CDS2: variants seen among roughly 807,000 people sequenced by gnomAD.
CDS2 encodes phosphatidate cytidylyltransferase 2.
In CDS2, 47 loss-of-function variants were observed where a neutral mutation model predicts 59.0. The ratio of observed to expected loss-of-function variants is 0.80; its 90% CI spans 0.63 to 1.02. CDS2 has a LOEUF of 1.02. Among genes scored for constraint, CDS2 ranks in the 50% least tolerant of loss-of-function variants. The pLI is 0.00. For synonymous variants in CDS2, 207 were observed against 206.4 expected (o/e 1.00, Z -0.02); for missense variants, 356 against 558.9 (o/e 0.64, Z 3.66).
At chr20:5,165,369 C>T (rs1259796970) in intron 1 of CDS2, among the ~76,000 whole-genome samples, 2 of 152,182 alleles carry the variant, frequency 1.3e-5, no homozygotes, top group Non-Finnish European at 2.9e-5. Context: ...CCCAGCTACA[C>T]CTGCCACTTC....
chr20:5,131,091 T>TCAAAAAAAAAAAAA (rs2090604079), intron 1 of CDS2, among the ~76,000 whole-genome samples: 1 of 141,738 alleles, frequency 7.1e-6, no homozygotes, highest in Admixed American at 7.0e-5. Context: ...AGACTCTGTC[T>TCAAAAAAAAAAAAA]TAAAAAAAAA....
intron 1 of CDS2, among the ~76,000 whole-genome samples, chr20:5,150,884 T>G (rs1439276199): frequency 6.6e-6 from 1 of 152,194 alleles, no homozygotes; most frequent in Non-Finnish European, 1.5e-5. Flanking sequence ...GGCATGCTGA[T>G]TCATCATAGG....
At chr20:5,163,791 C>CT (rs397866016) in intron 1 of CDS2, among the ~76,000 whole-genome samples, 878 of 47,922 alleles carry the variant, frequency 0.018, 5 homozygotes, top group Non-Finnish European at 0.028. Context: ...TTCTTTCTTT[C>CT]TTTTTTTTTT....
chr20:5,155,923 G>T (rs573587302), intron 1 of CDS2, among the ~76,000 whole-genome samples: 1 of 152,284 alleles, frequency 6.6e-6, no homozygotes, highest in African/African-American at 2.4e-5. Flanking sequence ...CAGGAACAGA[G>T]AGCAGCAGTT....
At chr20:5,188,825 T>G (rs1258768686) in intron 10 of CDS2, among the ~76,000 whole-genome samples, 1 of 152,140 alleles carries the variant, frequency 6.6e-6, no homozygotes, top group Non-Finnish European at 1.5e-5. Flanking sequence ...GCTTCATCAC[T>G]TCATAACAAC....
At chr20:5,134,508 G>T (rs1203348985) in intron 1 of CDS2, among the ~76,000 whole-genome samples, 1 of 151,988 alleles carries the variant, frequency 6.6e-6, no homozygotes, top group Non-Finnish European at 1.5e-5. Flanking sequence ...ATATTTAAGA[G>T]TTTTATTTTT....
intron 3 of CDS2, chr20:5,175,523 A>T: frequency 2.7e-6 from 1 of 375,004 alleles, no homozygotes; most frequent in Non-Finnish European, 5.0e-6. Flanking sequence ...AACTGACTTT[A>T]TTGCCTGTGA....
At chr20:5,134,811 G>T (rs558741883) in intron 1 of CDS2, among the ~76,000 whole-genome samples, 1 of 152,168 alleles carries the variant, frequency 6.6e-6, no homozygotes, top group Non-Finnish European at 1.5e-5. Context: ...ATGAGCCACC[G>T]TACCCAGCCG....
intron 1 of CDS2, among the ~76,000 whole-genome samples, chr20:5,144,500 A>G (rs1051321306): frequency 1.3e-5 from 2 of 152,148 alleles, no homozygotes; most frequent in African/African-American, 4.8e-5. Context: ...TAATCTTCCT[A>G]TGATGGCCAA....
At chr20:5,165,356 T>C (rs982867511) in intron 1 of CDS2, among the ~76,000 whole-genome samples, 1 of 152,142 alleles carries the variant, frequency 6.6e-6, no homozygotes, top group Non-Finnish European at 1.5e-5. Flanking sequence ...ACGCGACATG[T>C]AGCCCAGCTA....
intron 1 of CDS2, among the ~76,000 whole-genome samples, chr20:5,142,175 G>A (rs1297558732): frequency 3.9e-5 from 6 of 152,074 alleles, no homozygotes; most frequent in East Asian, 3.8e-4. Context: ...GGCCGAGTGC[G>A]GTGGCTCACA....
chr20:5,153,406 A>C (rs1056838837), intron 1 of CDS2, among the ~76,000 whole-genome samples: 1 of 152,182 alleles, frequency 6.6e-6, no homozygotes, highest in East Asian at 1.9e-4. Context: ...GATGTCTCCT[A>C]ATCACTGCTC....
rs139774268 is a variant in CDS2, at chr20:5,156,637, G to C, written c.58-16886G>C. The stretch of plus-strand genomic sequence containing the variant: ...GTAAATGCAGGCAGCCAGTCACATT[G>C]ACTAAAAAGAAAAAAAGGAATCCAT... On this transcript the variant is annotated intron_variant, in intron 1 of 12. Transcript: ENST00000460006. Among the ~76,000 whole-genome samples, 1,087 of 152,208 alleles carry C rather than the reference G, an allele frequency of 7.1e-3. 7 individuals are homozygous for C. The highest frequency in any genetic ancestry group is 0.014 in the Admixed American group (208 of 15,290).
chr20:5,144,494 C>T (rs1413510584), intron 1 of CDS2, among the ~76,000 whole-genome samples: 2 of 152,254 alleles, frequency 1.3e-5, no homozygotes, highest in African/African-American at 4.8e-5. Flanking sequence ...AAACTTTAAT[C>T]TTCCTATGAT....
intron 1 of CDS2, among the ~76,000 whole-genome samples, chr20:5,135,841 TC>T (rs950942050): frequency 1.3e-4 from 20 of 152,290 alleles, no homozygotes; most frequent in Non-Finnish European, 2.5e-4. Flanking sequence ...GTTTCCTTTC[TC>T]CCGCCTGCCT....
chr20:5,148,607 T>C (rs545792314), intron 1 of CDS2, among the ~76,000 whole-genome samples: 1 of 152,196 alleles, frequency 6.6e-6, no homozygotes, highest in African/African-American at 2.4e-5. Flanking sequence ...GTTTATGGTG[T>C]CCCATAAATC....
In CDS2 at chr20:5,184,979, T is replaced by C; in HGVS notation, c.759+34T>C. On this transcript the variant is annotated intron_variant, in intron 8 of 12. Transcript: ENST00000460006. This position sits in a 1 kb window ranked among gnomAD's most constrained non-coding sequence, Gnocchi z 4.3. The stretch of plus-strand genomic sequence containing the variant: ...ATTACCCTAATGTGAAATACCACTG[T>C]GAGGGGAGGGTGGTGCTCTCAATGT... 6.8e-7 allele frequency: 1 copy of C among 1,468,346 alleles called. No homozygotes were observed. The highest frequency in any genetic ancestry group is 9.5e-7 in the Non-Finnish European group (1 of 1,047,374). 91.0% of individuals were successfully genotyped at this position (1,468,346 alleles called of 1,614,324 possible).
intron 6 of CDS2, among the ~76,000 whole-genome samples, 162 bp from the exon 7 acceptor site, chr20:5,182,899 C>T (rs1172225965): frequency 2.0e-5 from 3 of 152,230 alleles, no homozygotes; most frequent in Admixed American, 2.0e-4. Context: ...AAGTATTACT[C>T]TCAGAAGCCT....
chr20:5,183,236 C>T, intron 7 of CDS2, 93 bp downstream of exon 7: 3 of 1,018,856 alleles, frequency 2.9e-6, no homozygotes, highest in Non-Finnish European at 4.6e-6. Context: ...CACCTTGAGC[C>T]ACATCAGAAT....
Sources: gnomAD v4.1 joint callset for allele counts (sites outside exome capture counted in the v4.1 genomes callset) on GRCh38, gnomAD v4.1.1 for gene constraint, Gnocchi (gnomAD v3.1) non-coding constraint, MANE v1.5 for transcripts, NCBI Gene and HGNC (gene_info 2026-07-23, HGNC 2026-07-21) for gene names.